Variants in TNFAIP8L2 observed in about 807,000 individuals in gnomAD.
TNFAIP8L2 encodes TNF alpha induced protein 8 like 2, also known as tumor necrosis factor alpha-induced protein 8-like protein 2.
A neutral mutation model predicts 5.6 loss-of-function variants in TNFAIP8L2; 2 were observed. The ratio of observed to expected loss-of-function variants is 0.36; its 90% CI spans 0.15 to 1.13. The LOEUF (loss-of-function observed/expected upper bound fraction) is 1.13. Among genes scored for constraint, TNFAIP8L2 ranks in the 50% most tolerant of loss-of-function variants. The pLI, the probability that TNFAIP8L2 is intolerant of heterozygous loss-of-function variation, is 0.40. For missense variants in TNFAIP8L2, 216 were observed against 241.8 expected, an observed-to-expected ratio of 0.89 and a Z score of 0.71; for synonymous variants, 91 against 101.1, an observed-to-expected ratio of 0.90 and a Z score of 0.60.
In TNFAIP8L2 at chr1:151,159,444, G is replaced by A. The variant is rs945015665; in HGVS notation, c.*192G>A. On this transcript the variant is annotated 3_prime_UTR_variant, in exon 2 of 2. Transcript: ENST00000368910. ...TAGTGGAGAAGGAGCAATGCTGAGG[G>A]GTGAGGCCTCTCTCCCACTCCAGCC... The A allele has an allele frequency of 6.6e-6, 4 of 604,314 alleles. No homozygotes were observed. In the Admixed American group the frequency reaches 1.2e-4, roughly 19 times the overall value. 37.4% of individuals were successfully genotyped at this position (604,314 alleles called of 1,614,324 possible).
chr1:151,159,009 T>C lies in TNFAIP8L2; in HGVS notation c.312T>C (p.Phe104=). 6.2e-7 allele frequency: 1 copy of C among 1,614,276 alleles called. No individual in the cohort carries two copies. Among genetic ancestry groups the C allele is most frequent in the East Asian group, 2.2e-5 (1 of 44,888 alleles). Residue 104 remains phenylalanine (F), a synonymous_variant, in exon 2 of 2, where the codon TTT becomes TTC. Coordinates refer to ENST00000368910, the MANE Select transcript of TNFAIP8L2 (RefSeq NM_024575.5). ...LRQGAMTALS[F]GEVDFTFEAA... The stretch of plus-strand genomic sequence containing the variant: ...AGGGTGCCATGACGGCACTTAGCTT[T>C]GGTGAGGTAGACTTCACCTTCGAGG...
At position 151,159,246 on chromosome 1, in the gene TNFAIP8L2, G is replaced by A. The variant is rs758951309; in HGVS notation, c.549G>A (p.Lys183=). 1.2e-6 allele frequency: 2 copies of A among 1,611,114 alleles called. No individual in the cohort carries two copies. The highest frequency in any genetic ancestry group is 2.7e-5 in the African/African-American group (2 of 74,876). The change falls in exon 2 of 2, where the codon AAG becomes AAA. Residue 183 remains lysine, a synonymous_variant. Coordinates refer to ENST00000368910, the MANE Select transcript of TNFAIP8L2 (RefSeq NM_024575.5). ...TCAGGAAGCTGCTAGACGAAGGGAA[G>A]CTCTGAGAGCCCTGAGCCTAGCACA... ...DGLRKLLDEG[K]L
intron 1 of TNFAIP8L2, among the ~76,000 whole-genome samples, 186 bp downstream of exon 1, chr1:151,156,908 C>T (rs767052030): frequency 6.6e-6 from 1 of 151,990 alleles, no homozygotes; most frequent in East Asian, 1.9e-4. Context: ...GTTTTGGATG[C>T]GGTGGGGGCA....
rs778803705 is a variant in TNFAIP8L2, at chr1:151,158,948, T to G, written c.251T>G (p.Leu84Arg). ...HRNGSFGPSE[L>R]ALATRFRQKL... is the part of the protein sequence containing the mutation. ...AATGGCTCCTTTGGCCCCAGTGAGC[T>G]GGCCCTGGCTACCCGCTTTCGCCAG... The change falls in exon 2 of 2, where the codon CTG becomes CGG. Residue 84 changes from leucine to arginine, a missense_variant. Coordinates refer to ENST00000368910, the MANE Select transcript of TNFAIP8L2 (RefSeq NM_024575.5). 1.2e-6 allele frequency: 2 copies of G among 1,614,264 alleles called. No individual in the cohort carries two copies. The highest frequency in any genetic ancestry group is 1.6e-4 in the Middle Eastern group (1 of 6,062).
rs1479469347 is a variant in TNFAIP8L2, at chr1:151,156,692, T to A, written c.-63T>A. On this transcript the variant is annotated 5_prime_UTR_variant, in exon 1 of 2. Transcript: ENST00000368910. ...CCATTCTGTAAGCTTTCCGGGAACA[T>A]CCAAGGCAAGACTGGCACCCAGCAC... The A allele has an allele frequency of 6.6e-6, 1 of 152,180 alleles. No individual in the cohort carries two copies. The highest frequency in any genetic ancestry group is 1.5e-5 in the Non-Finnish European group (1 of 68,064). 9.4% of individuals were successfully genotyped at this position (152,180 alleles called of 1,614,324 possible). A position where few individuals can be genotyped will look rare whatever the true frequency, so the allele number is the denominator to read the frequency against.
chr1:151,158,289 C>A (rs1683296710), intron 1 of TNFAIP8L2, among the ~76,000 whole-genome samples: 1 of 150,234 alleles, frequency 6.7e-6, no homozygotes, highest in Non-Finnish European at 1.5e-5. Flanking sequence ...CACCACTGCA[C>A]TCCAGCCTGG....
In TNFAIP8L2 at chr1:151,159,665, T is replaced by A. The variant is rs1683362587; in HGVS notation, c.*413T>A. 4.9e-6 allele frequency: 1 copy of A among 203,704 alleles called. No individual in the cohort carries two copies. Among genetic ancestry groups the A allele is most frequent in the African/African-American group, 2.3e-5 (1 of 42,758 alleles). The allele number at this position is 203,704 out of a possible 1,614,324, so 12.6% of individuals were successfully genotyped here. A position where few individuals can be genotyped will look rare whatever the true frequency, so the allele number is the denominator to read the frequency against. On this transcript the variant is annotated 3_prime_UTR_variant, in exon 2 of 2. Coordinates refer to ENST00000368910, the MANE Select transcript of TNFAIP8L2 (RefSeq NM_024575.5). ...CCCTTAGAGACAGAGCTTGGACAGA[T>A]GCCAGAGGCTCTGTTCCAGAGTGCA...
chr1:151,158,209 A>G (rs1051418967), intron 1 of TNFAIP8L2, among the ~76,000 whole-genome samples: 12 of 151,814 alleles, frequency 7.9e-5, no homozygotes, highest in African/African-American at 2.9e-4. Flanking sequence ...TGTAATCCCA[A>G]CTACTTGGGA....
In TNFAIP8L2 at chr1:151,158,828, G is replaced by T; in HGVS notation, c.131G>T (p.Arg44Leu). The T allele has an allele frequency of 2.5e-6, 4 of 1,614,052 alleles. No homozygotes were observed. Among genetic ancestry groups the T allele is most frequent in the Non-Finnish European group, 2.5e-6 (3 of 1,180,020 alleles). Reference protein sequence around the residue: ...TSSEVLDELYRVSKEYTHSRP... With the variant: ...TSSEVLDELYLVSKEYTHSRP... ...AGTGAGGTGCTAGATGAGCTCTACC[G>T]TGTGTCCAAGGAGTACACGCACAGC... Residue 44 changes from arginine (R) to leucine (L), a missense_variant, in exon 2 of 2, where the codon CGT (arginine) becomes CTT (leucine). By Grantham distance (102) the Arg-to-Leu change is moderately radical (BLOSUM62 -2). Coordinates refer to ENST00000368910, the MANE Select transcript of TNFAIP8L2 (RefSeq NM_024575.5).
chr1:151,157,083 G>GTA (rs1478620396), intron 1 of TNFAIP8L2, among the ~76,000 whole-genome samples: 4 of 152,288 alleles, frequency 2.6e-5, no homozygotes, highest in African/African-American at 9.6e-5. Context: ...ACTGAAACAG[G>GTA]GAGAGAGGGA....
chr1:151,158,806 G>C lies in TNFAIP8L2; in HGVS notation c.109G>C (p.Glu37Gln). Residue 37 changes from glutamate to glutamine, a missense_variant, in exon 2 of 2, where the codon GAG becomes CAG. Coordinates refer to ENST00000368910, the MANE Select transcript of TNFAIP8L2 (RefSeq NM_024575.5). ...AHLFIDETSSEVLDELYRVSK... is the reference protein window; with the variant it reads ...AHLFIDETSSQVLDELYRVSK... The stretch of plus-strand genomic sequence containing the variant: ...TCTCTTCATAGATGAGACAAGCAGT[G>C]AGGTGCTAGATGAGCTCTACCGTGT... The C allele has an allele frequency of 3.1e-6, 5 of 1,614,134 alleles. No individual in the cohort carries two copies. The highest frequency in any genetic ancestry group is 4.2e-6 in the Non-Finnish European group (5 of 1,180,028).
intron 1 of TNFAIP8L2, among the ~76,000 whole-genome samples, chr1:151,158,140 T>C (rs777851417): frequency 6.6e-6 from 1 of 151,848 alleles, no homozygotes; most frequent in Non-Finnish European, 1.5e-5. Context: ...CTGGCCAACA[T>C]GGTGAAACGC....
chr1:151,158,641 A>G (rs1683314121), intron 1 of TNFAIP8L2, 25 bp from the exon 2 acceptor site: 24 of 1,418,980 alleles, frequency 1.7e-5, no homozygotes, highest in Admixed American at 2.3e-5. Flanking sequence ...TCTCTTTCTA[A>G]GGAAGCCTGT....
chr1:151,158,191 TG>T (rs1174199882), intron 1 of TNFAIP8L2, among the ~76,000 whole-genome samples: 1 of 151,660 alleles, frequency 6.6e-6, no homozygotes, highest in Admixed American at 6.6e-5. Flanking sequence ...GGCGTGGTGG[TG>T]GGTGCCTGTA....
chr1:151,157,289 A>C (rs1572061121), intron 1 of TNFAIP8L2, among the ~76,000 whole-genome samples: 1 of 151,884 alleles, frequency 6.6e-6, no homozygotes, highest in African/African-American at 2.4e-5. Flanking sequence ...GGGGAAAAAA[A>C]CCCCCACAGT....
At position 151,159,063 on chromosome 1, in the gene TNFAIP8L2, G is replaced by C; in HGVS notation, c.366G>C (p.Glu122Asp). 6.2e-7 allele frequency: 1 copy of C among 1,614,164 alleles called. No homozygotes were observed. The highest frequency in any genetic ancestry group is 1.3e-5 in the African/African-American group (1 of 75,074). The change falls in exon 2 of 2, where the codon GAG (glutamate) becomes GAC (aspartate). Residue 122 changes from glutamate to aspartate, a missense_variant. By Grantham distance (45) the Glu-to-Asp change is conservative. Transcript: ENST00000368910. ...CTGTTCTGGCTGGCCTGCTGACCGA[G>C]TGCCGGGATGTGCTGCTAGAGTTGG... The part of the protein sequence containing the change: ...EAAVLAGLLT[E>D]CRDVLLELVE...
chr1:151,159,494 G>C lies in TNFAIP8L2; in HGVS notation c.*242G>C, dbSNP rs746972437. On this transcript the variant is annotated 3_prime_UTR_variant, in exon 2 of 2. Coordinates refer to ENST00000368910, the MANE Select transcript of TNFAIP8L2 (RefSeq NM_024575.5). The stretch of plus-strand genomic sequence containing the variant: ...CCCAGGACAGGAAACAGAACTGCCT[G>C]AAAAAGGTGAAGTGAAACTTGGATC... 2.1e-6 allele frequency: 1 copy of C among 469,948 alleles called. No individual in the cohort carries two copies. The highest frequency in any genetic ancestry group is 4.0e-6 in the Non-Finnish European group (1 of 250,384). The allele number at this position is 469,948 out of a possible 1,614,324, so 29.1% of individuals were successfully genotyped here.
At chr1:151,159,749 G>GGCGAC, downstream of TNFAIP8L2, 6 of 177,540 alleles carry the variant, frequency 3.4e-5, no homozygotes, top group East Asian at 1.7e-4. Flanking sequence ...ACTAAAATAT[G>GGCGAC]CACAGGGCTC....
At position 151,158,775 on chromosome 1, in the gene TNFAIP8L2, G is replaced by T; in HGVS notation, c.78G>T (p.Val26=). The T allele has an allele frequency of 6.2e-7, 1 of 1,614,082 alleles. No individual in the cohort carries two copies. The highest frequency in any genetic ancestry group is 8.5e-7 in the Non-Finnish European group (1 of 1,180,010). ...TGAGTAAGATGGCGGGTCGCTCTGTGGCTCATCTCTTCATAGATGAGACAA... is the reference window on the plus strand; with the variant it reads ...TGAGTAAGATGGCGGGTCGCTCTGTTGCTCATCTCTTCATAGATGAGACAA... The part of the protein sequence containing the change: ...KLLSKMAGRS[V]AHLFIDETSS... Residue 26 remains valine (V), a synonymous_variant, in exon 2 of 2, where the codon GTG becomes GTT. Transcript: ENST00000368910.
Sources: allele counts gnomAD v4.1 joint callset (sites outside exome capture counted in the v4.1 genomes callset), GRCh38; gene constraint gnomAD v4.1.1; transcripts MANE v1.5; gene names NCBI Gene and HGNC (gene_info 2026-07-23, HGNC 2026-07-21).